VTI1B: variants seen among roughly 807,000 people sequenced by gnomAD.
The protein encoded by VTI1B is vesicle transport through interaction with t-SNAREs 1B.
Under a neutral mutation model 28.6 loss-of-function variants are expected in VTI1B, and 18 were observed. That is an observed-to-expected ratio of 0.63 (90% CI 0.43 to 0.93). The LOEUF (loss-of-function observed/expected upper bound fraction) is 0.93, where lower values mean the gene tolerates loss of function less well. Ranked by LOEUF, VTI1B falls within the 40% of genes least tolerant of loss-of-function variation. The pLI is 0.00. For missense variants in VTI1B, 283 were observed against 297.0 expected, an observed-to-expected ratio of 0.95 and a Z score of 0.35; for synonymous variants, 100 against 107.9, an observed-to-expected ratio of 0.93 and a Z score of 0.46.
chr14:67,672,451 T>TC (rs916147661), intron 1 of VTI1B, among the ~76,000 whole-genome samples: 2 of 143,788 alleles, frequency 1.4e-5, no homozygotes, highest in Non-Finnish European at 3.0e-5. Context: ...TCTTTTCTTT[T>TC]TTTTTTTTTT....
intron 3 of VTI1B, 81 bp from the exon 4 acceptor site, chr14:67,656,670 T>C: frequency 6.9e-7 from 1 of 1,439,926 alleles, no homozygotes; most frequent in South Asian, 1.4e-5. Flanking sequence ...ACCTTCCCCA[T>C]GTTAGAAGGG....
At chr14:67,669,519 A>C (rs113133003) in intron 1 of VTI1B, among the ~76,000 whole-genome samples, 1 of 151,466 alleles carries the variant, frequency 6.6e-6, no homozygotes, top group African/African-American at 2.4e-5. Context: ...CTCCTGCCTC[A>C]GCCTCCCAAA....
intron 5 of VTI1B, chr14:67,652,279 TC>T (rs2037192404): frequency 6.6e-6 from 1 of 152,430 alleles, no homozygotes; most frequent in Admixed American, 6.5e-5. Flanking sequence ...AATATTGTCT[TC>T]AAAGAAGGAC....
chr14:67,650,341 C>T lies in VTI1B; in HGVS notation c.*1044G>A, dbSNP rs2037156403. On this transcript the variant is annotated 3_prime_UTR_variant, in exon 6 of 6. Coordinates refer to ENST00000554659, the MANE Select transcript of VTI1B (RefSeq NM_006370.3). ...ACTTGATTCATTTCCAGGCAGGCAT[C>T]TGGAAGGTTCCTAGTCATACTGGAG... 1 of 257,692 alleles carries T rather than the reference C, an allele frequency of 3.9e-6. No individual in the cohort carries two copies. The highest frequency in any genetic ancestry group is 7.5e-6 in the Non-Finnish European group (1 of 132,832). 16.0% of individuals were successfully genotyped at this position (257,692 alleles called of 1,614,324 possible). A position where few individuals can be genotyped will look rare whatever the true frequency, so the allele number is the denominator to read the frequency against.
Position 67,662,504 on chromosome 14 carries a change from A to C in VTI1B, c.147T>G (p.Asp49Glu), listed in dbSNP as rs2234514. Residue 49 changes from aspartate to glutamate, a missense_variant, in exon 2 of 6, where the codon GAT becomes GAG. Physicochemically the swap from Asp to Glu is conservative, Grantham distance 45. Coordinates refer to ENST00000554659, the MANE Select transcript of VTI1B (RefSeq NM_006370.3). ...EEKKKLIRDF[D>E]EKQQEANETL... ...TTTCATTTGCTTCCTGTTGCTTTTC[A>C]TCAAAATCCCTGATCAATTTCTTCT... 149 of 1,612,156 alleles carry C rather than the reference A, an allele frequency of 9.2e-5. No homozygotes were observed. In the African/African-American group the frequency reaches 1.9e-3, roughly 20 times the overall value.
chr14:67,669,577 A>AT (rs549749597), intron 1 of VTI1B, among the ~76,000 whole-genome samples: 99 of 151,914 alleles, frequency 6.5e-4, no homozygotes, highest in African/African-American at 2.3e-3. Flanking sequence ...CCCGTATGTT[A>AT]TTTTTAATGG....
chr14:67,670,768 C>T (rs1447522734), intron 1 of VTI1B, among the ~76,000 whole-genome samples: 1 of 152,066 alleles, frequency 6.6e-6, no homozygotes, highest in Non-Finnish European at 1.5e-5. Context: ...CCTTGTGATC[C>T]GCCCGCCTAG....
Position 67,647,994 on chromosome 14 carries a change from G to A in VTI1B, c.*3391C>T. ...AACCATAAGAAGGATGAGTGTCCAA[G>A]GACAACCAGTTAAGTATTATTTTAA... On this transcript the variant is annotated 3_prime_UTR_variant, in exon 6 of 6. Transcript: ENST00000554659. 2.0e-6 allele frequency: 3 copies of A among 1,511,396 alleles called. No homozygotes were observed. The South Asian group carries it at 3.6e-5, about 18-fold the overall frequency. The allele number at this position is 1,511,396 out of a possible 1,614,324, so 93.6% of individuals were successfully genotyped here.
At chr14:67,653,362 G>C in intron 5 of VTI1B, 75 bp downstream of exon 5, 3 of 1,341,516 alleles carry the variant, frequency 2.2e-6, no homozygotes, top group Non-Finnish European at 3.2e-6. Context: ...GAGGACCTTT[G>C]TAAGTCACTA....
intron 1 of VTI1B, among the ~76,000 whole-genome samples, chr14:67,663,747 G>A (rs1418750501): frequency 6.6e-6 from 1 of 152,146 alleles, no homozygotes; most frequent in Non-Finnish European, 1.5e-5. Context: ...AATTATGAAG[G>A]TGGTACCAGA....
chr14:67,668,369 G>C (rs887347334), intron 1 of VTI1B, among the ~76,000 whole-genome samples: 8 of 152,162 alleles, frequency 5.3e-5, no homozygotes, highest in East Asian at 1.9e-4. Context: ...ATTGTAAGTG[G>C]TAATGGACAG....
At chr14:67,663,518 C>T (rs2037364969) in intron 1 of VTI1B, among the ~76,000 whole-genome samples, 1 of 151,770 alleles carries the variant, frequency 6.6e-6, no homozygotes, top group Non-Finnish European at 1.5e-5. Context: ...CTAAAAAATA[C>T]AAAAAATTAG....
chr14:67,662,191 C>CAAA (rs937980980), intron 2 of VTI1B, among the ~76,000 whole-genome samples: 3 of 149,798 alleles, frequency 2.0e-5, no homozygotes, highest in Admixed American at 6.7e-5. Flanking sequence ...AAAAAAAAAA[C>CAAA]AACAGATTTT....
In VTI1B at chr14:67,651,270, A is replaced by G; in HGVS notation, c.*115T>C. 1 of 1,582,318 alleles carries G rather than the reference A, an allele frequency of 6.3e-7. No individual in the cohort carries two copies. The highest frequency in any genetic ancestry group is 8.6e-7 in the Non-Finnish European group (1 of 1,164,952). On this transcript the variant is annotated 3_prime_UTR_variant, in exon 6 of 6. Transcript: ENST00000554659. ...CCCTCCTCCCACAGCCTGGCTATAC[A>G]GTGCATCCTTGAACTGTCAGCCCAC...
chr14:67,650,636 C>A lies in VTI1B; in HGVS notation c.*749G>T. 7.4e-7 allele frequency: 1 copy of A among 1,349,342 alleles called. No individual in the cohort carries two copies. Among genetic ancestry groups the A allele is most frequent in the Non-Finnish European group, 1.1e-6 (1 of 943,870 alleles). 83.6% of individuals were successfully genotyped at this position (1,349,342 alleles called of 1,614,324 possible). On this transcript the variant is annotated 3_prime_UTR_variant, in exon 6 of 6. Transcript: ENST00000554659. Reference sequence around the variant, plus strand: ...ACTCTTGTTTTTACTTTGGCTTGTTCTCCCTGTCCCAGTGGGATGACCCTC... The same window carrying A: ...ACTCTTGTTTTTACTTTGGCTTGTTATCCCTGTCCCAGTGGGATGACCCTC...
intron 1 of VTI1B, among the ~76,000 whole-genome samples, chr14:67,670,293 C>G (rs1014046062): frequency 1.3e-5 from 2 of 152,138 alleles, no homozygotes; most frequent in Non-Finnish European, 2.9e-5. Flanking sequence ...CAATGTGACA[C>G]TGAGATCCCC....
In VTI1B at chr14:67,651,152, A is replaced by AAAG; in HGVS notation, c.*230_*232dup. 1 of 955,606 alleles carries AAAG rather than the reference A, an allele frequency of 1.0e-6. No homozygotes were observed. Among genetic ancestry groups the AAAG allele is most frequent in the South Asian group, 1.7e-5 (1 of 57,218 alleles). 59.2% of individuals were successfully genotyped at this position (955,606 alleles called of 1,614,324 possible). A position where few individuals can be genotyped will look rare whatever the true frequency, so the allele number is the denominator to read the frequency against. ...ATATGCTACAGTACTATGTAAATTT[A>AAAG]AAGAAGTCATAAACAGCATTTATTA... On this transcript the variant is annotated 3_prime_UTR_variant, in exon 6 of 6. Transcript: ENST00000554659.
chr14:67,659,729 A>C lies in VTI1B; in HGVS notation c.366+2T>G. ...AAAACAAACAAAACAGCTAAAACTT[A>C]CCATATGCTCATTCTCTACAGCATA... On this transcript the variant is annotated splice_donor_variant, in intron 3 of 5. Coordinates refer to ENST00000554659, the MANE Select transcript of VTI1B (RefSeq NM_006370.3). LOFTEE classifies it high-confidence loss of function. 1 of 1,590,720 alleles carries C rather than the reference A, an allele frequency of 6.3e-7. No individual in the cohort carries two copies. The highest frequency in any genetic ancestry group is 8.5e-7 in the Non-Finnish European group (1 of 1,170,836).
intron 1 of VTI1B, chr14:67,663,256 A>C: frequency 8.6e-7 from 1 of 1,166,806 alleles, no homozygotes; most frequent in Non-Finnish European, 1.2e-6. Context: ...GTATTGTCTT[A>C]ATTGTATTTT....
Sources: allele counts gnomAD v4.1 joint callset (sites outside exome capture counted in the v4.1 genomes callset), GRCh38; gene constraint gnomAD v4.1.1; transcripts MANE v1.5; gene names NCBI Gene and HGNC (gene_info 2026-07-23, HGNC 2026-07-21).